The following FBXW10 variants were observed in gnomAD, a reference collection of about 807,000 sequenced individuals.
The protein encoded by FBXW10 is F-box/WD repeat-containing protein 10.
In FBXW10, 68 loss-of-function variants were observed where a neutral mutation model predicts 113.1. The ratio of observed to expected loss-of-function variants is 0.60; its 90% CI spans 0.49 to 0.74. FBXW10 has a LOEUF of 0.74. Among genes scored for constraint, FBXW10 ranks in the 30% least tolerant of loss-of-function variants. The pLI, the probability that FBXW10 is intolerant of heterozygous loss-of-function variation, is 0.00. For synonymous variants in FBXW10, 289 were observed against 481.6 expected (o/e 0.60, Z 5.24); for missense variants, 753 against 1,284.5 (o/e 0.59, Z 6.32).
chr17:18,766,869 G>A lies in FBXW10; in HGVS notation c.1704+7G>A, dbSNP rs762826427. ...CATGGCCCAGTTGGTAAAGGTAAGT[G>A]GGCAGTGGGCTACCTTGGCGGAAAG... On this transcript the variant is annotated splice_region_variant and intron_variant, in intron 9 of 13. Transcript: ENST00000395665. The A allele has an allele frequency of 1.3e-6, 2 of 1,581,416 alleles. No individual in the cohort carries two copies. Among genetic ancestry groups the A allele is most frequent in the African/African-American group, 2.7e-5 (2 of 74,430 alleles).
intron 7 of FBXW10, among the ~76,000 whole-genome samples, chr17:18,759,619 GT>G (rs71155351): frequency 3.0e-4 from 42 of 142,022 alleles, no homozygotes; most frequent in Admixed American, 6.3e-4. Context: ...CTAGTTTTTT[GT>G]TTTTTTTTTT....
intron 2 of FBXW10, among the ~76,000 whole-genome samples, chr17:18,748,412 A>C (rs1950120523): frequency 2.6e-5 from 2 of 76,150 alleles, no homozygotes; most frequent in African/African-American, 4.4e-5. Context: ...CTGTCTCAAA[A>C]AAAAAAAAAA....
At position 18,756,068 on chromosome 17, in the gene FBXW10, A is replaced by C. The variant is rs760408977; in HGVS notation, c.1146A>C (p.Ala382=). The part of the protein sequence containing the change: ...RTKNEYNLWT[A]YQNEETQQVL... Reference sequence around the variant, plus strand: ...AGAATGAGTACAACCTGTGGACTGCATACCAGAACGAGGAAACGCAGCAGG... The same window carrying C: ...AGAATGAGTACAACCTGTGGACTGCCTACCAGAACGAGGAAACGCAGCAGG... Residue 382 remains alanine, a synonymous_variant, in exon 6 of 14, where the codon GCA becomes GCC. Coordinates refer to ENST00000395665, the MANE Select transcript of FBXW10 (RefSeq NM_001267585.2). 6.2e-7 allele frequency: 1 copy of C among 1,613,932 alleles called. No homozygotes were observed. The highest frequency in any genetic ancestry group is 8.5e-7 in the Non-Finnish European group (1 of 1,179,850).
chr17:18,753,065 C>CT (rs1197196224), intron 5 of FBXW10, among the ~76,000 whole-genome samples: 9 of 152,330 alleles, frequency 5.9e-5, no homozygotes, highest in African/African-American at 2.2e-4. Flanking sequence ...AACACCGCCA[C>CT]TTTAAGTTCC....
At chr17:18,751,379 C>G (rs2035167924) in intron 5 of FBXW10, among the ~76,000 whole-genome samples, 1 of 152,062 alleles carries the variant, frequency 6.6e-6, no homozygotes, top group East Asian at 1.9e-4. Context: ...GAGCCCGCCA[C>G]CACGCCCGGC....
chr17:18,768,959 CAG>C (rs1244070159), intron 10 of FBXW10, among the ~76,000 whole-genome samples: 2 of 94,570 alleles, frequency 2.1e-5, no homozygotes, highest in Non-Finnish European at 4.3e-5. Context: ...TTTTTTGAGA[CAG>C]AGTCTCGCTC....
chr17:18,771,471 G>A (rs1438423905), intron 11 of FBXW10, among the ~76,000 whole-genome samples: 1 of 152,144 alleles, frequency 6.6e-6, no homozygotes, highest in Non-Finnish European at 1.5e-5. Flanking sequence ...AAGTTCCGGA[G>A]CTCTTTGTCT....
intron 5 of FBXW10, among the ~76,000 whole-genome samples, chr17:18,752,909 A>C (rs1478758203): frequency 6.6e-6 from 1 of 152,158 alleles, no homozygotes; most frequent in East Asian, 1.9e-4. Flanking sequence ...TGCTCTTTTA[A>C]GTATAACACA....
chr17:18,772,766 G>C, intron 12 of FBXW10, 83 bp downstream of exon 12: 1 of 1,229,854 alleles, frequency 8.1e-7, no homozygotes, highest in Admixed American at 2.2e-5. Context: ...AGACGGGGAG[G>C]ACTGGTTCGT....
chr17:18,748,422 A>G (rs2035089975), intron 2 of FBXW10, among the ~76,000 whole-genome samples: 1 of 148,100 alleles, frequency 6.8e-6, no homozygotes, highest in Admixed American at 6.7e-5. Flanking sequence ...AAAAAAAAAA[A>G]AAAAAAAAAA....
intron 2 of FBXW10, among the ~76,000 whole-genome samples, chr17:18,749,415 C>A (rs1206888873): frequency 1.3e-5 from 2 of 151,070 alleles, no homozygotes; most frequent in African/African-American, 4.9e-5. Flanking sequence ...GGCGTGGTGG[C>A]GGGCTCCTGT....
At chr17:18,764,613 C>T in intron 7 of FBXW10, 129 bp from the exon 8 acceptor site, 3 of 1,445,938 alleles carry the variant, frequency 2.1e-6, no homozygotes, top group Non-Finnish European at 2.8e-6. Context: ...CAAATCCAGG[C>T]CCCTGACTCT....
intron 1 of FBXW10, among the ~76,000 whole-genome samples, chr17:18,746,919 C>CTTTT (rs1166761219): frequency 4.6e-5 from 6 of 129,138 alleles, no homozygotes; most frequent in South Asian, 2.5e-4. Context: ...TGGCAACCTT[C>CTTTT]TTTTTTTTTT....
At chr17:18,774,410 A>T (rs2035667725) in intron 12 of FBXW10, among the ~76,000 whole-genome samples, 1 of 152,218 alleles carries the variant, frequency 6.6e-6, no homozygotes. Context: ...TTCATACGAC[A>T]ATAAACAATA....
At chr17:18,762,206 C>T (rs972843881) in intron 7 of FBXW10, among the ~76,000 whole-genome samples, 1 of 152,010 alleles carries the variant, frequency 6.6e-6, no homozygotes, top group African/African-American at 2.4e-5. Context: ...TTGTGATCCA[C>T]CCGCCTCGGC....
At chr17:18,770,385 C>T (rs1229309815) in intron 11 of FBXW10, among the ~76,000 whole-genome samples, 1 of 151,758 alleles carries the variant, frequency 6.6e-6, no homozygotes, top group Middle Eastern at 3.2e-3. Flanking sequence ...CTCACTGCAA[C>T]CTCCGCCTCC....
At chr17:18,760,628 A>G (rs2035360705) in intron 7 of FBXW10, among the ~76,000 whole-genome samples, 1 of 152,112 alleles carries the variant, frequency 6.6e-6, no homozygotes, top group Non-Finnish European at 1.5e-5. Context: ...ACATGGAGAA[A>G]CCCCGTCTCT....
intron 5 of FBXW10, among the ~76,000 whole-genome samples, chr17:18,751,921 G>A (rs533246198): frequency 6.6e-5 from 10 of 152,074 alleles, no homozygotes; most frequent in Non-Finnish European, 1.5e-4. Flanking sequence ...AAGACTCTTC[G>A]AGCTCTTTGC....
chr17:18,749,670 G>T, intron 2 of FBXW10, 52 bp from the exon 3 acceptor site: 1 of 1,613,186 alleles, frequency 6.2e-7, no homozygotes, highest in Non-Finnish European at 8.5e-7. Context: ...TCTTGGCCTG[G>T]AGTTTCTACA....
Sources: allele counts gnomAD v4.1 joint callset (sites outside exome capture counted in the v4.1 genomes callset), GRCh38; gene constraint gnomAD v4.1.1; transcripts MANE v1.5; gene names NCBI Gene and HGNC (gene_info 2026-07-23, HGNC 2026-07-21).